The following KDM4C variants were observed in gnomAD, a reference collection of about 807,000 sequenced individuals.
KDM4C encodes the protein lysine-specific demethylase 4C.
In KDM4C, 81 loss-of-function variants were observed where a neutral mutation model predicts 129.3. The observed-to-expected ratio is 0.63, with a 90% CI of 0.52 to 0.75. KDM4C has a LOEUF of 0.75. Ranked by LOEUF, KDM4C falls within the 30% of genes least tolerant of loss-of-function variation. KDM4C has a pLI of 0.00. For missense variants in KDM4C, 1,457 were observed against 1,304.0 expected, an observed-to-expected ratio of 1.12 and a Z score of -1.81; for synonymous variants, 573 against 456.1, an observed-to-expected ratio of 1.26 and a Z score of -3.26.
chr9:6,799,024 G>A (rs1373104120), intron 2 of KDM4C, among the ~76,000 whole-genome samples: 2 of 150,008 alleles, frequency 1.3e-5, no homozygotes, highest in Non-Finnish European at 3.0e-5. Flanking sequence ...GGGAAGAGGC[G>A]CTCCTCACTT....
intron 1 of KDM4C, among the ~76,000 whole-genome samples, chr9:6,770,576 TG>T (rs1204627073): frequency 6.6e-6 from 1 of 151,930 alleles, no homozygotes; most frequent in Non-Finnish European, 1.5e-5. Context: ...CCCTCAAGTT[TG>T]TTTTTTTTTT....
chr9:6,752,088 C>CAAAAA (rs1818088857), intron 1 of KDM4C, among the ~76,000 whole-genome samples: 2 of 150,474 alleles, frequency 1.3e-5, no homozygotes, highest in African/African-American at 5.0e-5. Context: ...AATCCCAGCA[C>CAAAAA]TTTGGGAGGC....
chr9:6,803,328 T>C (rs1588379212), intron 2 of KDM4C, among the ~76,000 whole-genome samples: 1 of 152,074 alleles, frequency 6.6e-6, no homozygotes, highest in East Asian at 1.9e-4. Flanking sequence ...ATCCCAACAC[T>C]TTGGGAGGCA....
chr9:6,757,154 C>G (rs948270990), upstream of KDM4C, among the ~76,000 whole-genome samples: 1 of 152,142 alleles, frequency 6.6e-6, no homozygotes, highest in Non-Finnish European at 1.5e-5. Context: ...GGCGGAGTTA[C>G]AGAGGAAAAG....
intron 2 of KDM4C, among the ~76,000 whole-genome samples, chr9:6,804,144 C>A (rs1281461880): frequency 5.9e-5 from 9 of 152,140 alleles, no homozygotes; most frequent in African/African-American, 2.2e-4. Flanking sequence ...CTTTTAAATC[C>A]TATCAATATG....
chr9:6,972,255 G>GTA lies in KDM4C; in HGVS notation c.922-8659_922-8658dup, dbSNP rs754692216. Among the ~76,000 whole-genome samples, 234 of 151,004 alleles carry GTA rather than the reference G, an allele frequency of 1.5e-3. 1 individual carries two copies. The highest frequency in any genetic ancestry group is 4.2e-3 in the African/African-American group (171 of 41,162). ...TGAAAATAGGGGTGTGTGTGTGTGT[G>GTA]TATATATATATACACACATATGTAT... On this transcript the variant is annotated intron_variant, in intron 8 of 21. Transcript: ENST00000381309.
chr9:6,932,759 A>C lies in KDM4C; in HGVS notation c.921+39527A>C, dbSNP rs115755890. 9.9e-3 allele frequency among the ~76,000 whole-genome samples: 1,511 copies of C among 152,260 alleles called. 30 individuals are homozygous for C. The highest frequency in any genetic ancestry group is 0.034 in the African/African-American group (1,428 of 41,540). Reference sequence around the variant, plus strand: ...AGGACATTTGACCACGTTTAGGGGCATTTTTTTGATTGCATGATGGGGGAG... The same window carrying C: ...AGGACATTTGACCACGTTTAGGGGCCTTTTTTTGATTGCATGATGGGGGAG... On this transcript the variant is annotated intron_variant, in intron 8 of 21. Transcript: ENST00000381309.
At chr9:6,958,313 G>A (rs1040854362) in intron 8 of KDM4C, among the ~76,000 whole-genome samples, 45 of 152,034 alleles carry the variant, frequency 3.0e-4, no homozygotes, top group African/African-American at 9.9e-4. Context: ...AGGCCGGTGC[G>A]GTGGCTCACG....
chr9:6,781,862 C>T (rs1360192541), intron 1 of KDM4C, among the ~76,000 whole-genome samples: 1 of 151,452 alleles, frequency 6.6e-6, no homozygotes, highest in East Asian at 1.9e-4. Context: ...CTCTTGTGCC[C>T]AGGCTGGCTG....
intron 8 of KDM4C, among the ~76,000 whole-genome samples, chr9:6,944,665 T>TTTTTTTTTTTTC: frequency 6.9e-6 from 1 of 145,600 alleles, no homozygotes; most frequent in African/African-American, 2.5e-5. Context: ...TTTTTTTTTT[T>TTTTTTTTTTTTC]TTTTTTTTTG....
intron 4 of KDM4C, among the ~76,000 whole-genome samples, chr9:6,848,812 C>T (rs147527389): frequency 1.1e-3 from 174 of 152,216 alleles, no homozygotes; most frequent in African/African-American, 3.8e-3. Context: ...TACATTATTC[C>T]AGCAGTTTTA....
chr9:7,163,636 A>G (rs540275891), intron 19 of KDM4C, among the ~76,000 whole-genome samples: 19 of 152,210 alleles, frequency 1.2e-4, no homozygotes, highest in African/African-American at 4.3e-4. Flanking sequence ...AGACTGACGC[A>G]TGTAATCAGT....
At chr9:7,113,506 C>G (rs1838564508) in intron 18 of KDM4C, among the ~76,000 whole-genome samples, 1 of 152,156 alleles carries the variant, frequency 6.6e-6, no homozygotes, top group Non-Finnish European at 1.5e-5. Flanking sequence ...GATCTTTTGC[C>G]ATTTCCATAG....
At chr9:7,010,367 C>A (rs543982537) in intron 12 of KDM4C, among the ~76,000 whole-genome samples, 2 of 152,312 alleles carry the variant, frequency 1.3e-5, no homozygotes, top group African/African-American at 4.8e-5. Context: ...CTTTGTGCTA[C>A]AGTTGGCATT....
At chr9:6,833,658 CAT>C (rs1835319866) in intron 4 of KDM4C, among the ~76,000 whole-genome samples, 1 of 152,152 alleles carries the variant, frequency 6.6e-6, no homozygotes, top group Non-Finnish European at 1.5e-5. Flanking sequence ...AATGAGGTGA[CAT>C]AAATAAAACA....
intron 1 of KDM4C, among the ~76,000 whole-genome samples, chr9:6,745,417 A>T (rs1817841227): frequency 6.6e-6 from 1 of 151,900 alleles, no homozygotes; most frequent in Admixed American, 6.6e-5. Flanking sequence ...TGGGCAACAT[A>T]GTGAGACCCT....
intron 1 of KDM4C, among the ~76,000 whole-genome samples, chr9:6,728,466 A>G (rs1239852481): frequency 6.6e-6 from 1 of 152,072 alleles, no homozygotes; most frequent in South Asian, 2.1e-4. Context: ...CTCAGGAGGC[A>G]GAGGTTTCAG....
At chr9:6,927,372 C>G (rs1022390918) in intron 8 of KDM4C, among the ~76,000 whole-genome samples, 2 of 152,164 alleles carry the variant, frequency 1.3e-5, no homozygotes, top group African/African-American at 2.4e-5. Flanking sequence ...TCAAGTCATC[C>G]GCCTGCCTTG....
In KDM4C at chr9:6,833,479, C is replaced by T. The variant is rs1031087191; in HGVS notation, c.436-16028C>T. Among the ~76,000 whole-genome samples the T allele has an allele frequency of 1.1e-4, 16 of 152,146 alleles. 1 individual carries two copies. On this transcript the variant is annotated intron_variant, in intron 4 of 21. Transcript: ENST00000381309. The stretch of plus-strand genomic sequence containing the variant: ...GGTTTATCGTTTGGCCACGTGGCTT[C>T]AGAAACAATAGAGCCAGCATGGGTT...
Sources: allele counts gnomAD v4.1 joint callset (sites outside exome capture counted in the v4.1 genomes callset), GRCh38; gene constraint gnomAD v4.1.1; transcripts MANE v1.5; gene names NCBI Gene and HGNC (gene_info 2026-07-23, HGNC 2026-07-21).